The following AGBL1 variants were observed in gnomAD, a reference collection of about 807,000 sequenced individuals.
AGBL1 encodes AGBL carboxypeptidase 1, also known as cytosolic carboxypeptidase 4.
In AGBL1, 130 loss-of-function variants were observed where a neutral mutation model predicts 118.9. The observed-to-expected ratio is 1.09, with a 90% CI of 0.95 to 1.26. The LOEUF is 1.26. AGBL1 is among the 50% of genes most tolerant of loss of function. AGBL1 has a pLI of 0.00. For synonymous variants in AGBL1, 555 were observed against 478.9 expected (o/e 1.16, Z -2.08); for missense variants, 1,584 against 1,298.1 (o/e 1.22, Z -3.38).
At chr15:86,455,701 A>G (rs2082250875) in intron 18 of AGBL1, among the ~76,000 whole-genome samples, 1 of 152,164 alleles carries the variant, frequency 6.6e-6, no homozygotes, top group Non-Finnish European at 1.5e-5. Flanking sequence ...TGTGTAGTCT[A>G]TAAAAATCAC....
intron 17 of AGBL1, among the ~76,000 whole-genome samples, chr15:86,301,193 C>A (rs959404077): frequency 6.6e-6 from 1 of 152,094 alleles, no homozygotes; most frequent in African/African-American, 2.4e-5. Context: ...TTTTGTACCT[C>A]CCAGAGACAT....
At chr15:86,752,967 C>G (rs1418585756) in intron 22 of AGBL1, among the ~76,000 whole-genome samples, 1 of 152,062 alleles carries the variant, frequency 6.6e-6, no homozygotes, top group Admixed American at 6.6e-5. Context: ...GTCAATTTAT[C>G]TTTCCTTGCT....
chr15:87,021,377 C>G (rs2081662750), intron 24 of AGBL1, among the ~76,000 whole-genome samples: 1 of 151,922 alleles, frequency 6.6e-6, no homozygotes, highest in Non-Finnish European at 1.5e-5. Context: ...ATGTAAAACC[C>G]AAAATTATAA....
intron 18 of AGBL1, among the ~76,000 whole-genome samples, chr15:86,407,088 TTG>T (rs2081539888): frequency 6.6e-6 from 1 of 152,194 alleles, no homozygotes; most frequent in Non-Finnish European, 1.5e-5. Flanking sequence ...CCTCATATGC[TTG>T]TTAACACTAC....
At chr15:86,468,657 G>C (rs1329660687) in intron 18 of AGBL1, among the ~76,000 whole-genome samples, 2 of 152,128 alleles carry the variant, frequency 1.3e-5, no homozygotes, top group African/African-American at 4.8e-5. Context: ...TGACTAATAA[G>C]GCTCCTGTGC....
intron 18 of AGBL1, among the ~76,000 whole-genome samples, chr15:86,487,222 G>A (rs2142134941): frequency 6.6e-6 from 1 of 152,136 alleles, no homozygotes; most frequent in East Asian, 1.9e-4. Context: ...ACAGGGTGCA[G>A]CGTTCATCCA....
At chr15:86,648,295 A>G (rs996333166) in intron 21 of AGBL1, among the ~76,000 whole-genome samples, 4 of 152,154 alleles carry the variant, frequency 2.6e-5, no homozygotes, top group African/African-American at 7.2e-5. Flanking sequence ...ATGACTTCCT[A>G]TGTGGGGTGC....
At chr15:86,892,973 C>A (rs1249325145) in intron 22 of AGBL1, among the ~76,000 whole-genome samples, 1 of 152,088 alleles carries the variant, frequency 6.6e-6, no homozygotes, top group African/African-American at 2.4e-5. Flanking sequence ...TTAGATGGAG[C>A]ACAGCGTTCA....
intron 5 of AGBL1, among the ~76,000 whole-genome samples, chr15:86,217,874 G>A (rs1454470977): frequency 6.6e-6 from 1 of 152,144 alleles, no homozygotes; most frequent in Non-Finnish European, 1.5e-5. Flanking sequence ...GTGGATGTGG[G>A]GTAGCAATGT....
At chr15:86,659,484 T>A (rs1486153443) in intron 21 of AGBL1, among the ~76,000 whole-genome samples, 1 of 152,112 alleles carries the variant, frequency 6.6e-6, no homozygotes, top group Non-Finnish European at 1.5e-5. Context: ...ATATTGGGGT[T>A]TTCTCTTCTG....
chr15:86,827,101 G>T (rs2079021682), intron 22 of AGBL1, among the ~76,000 whole-genome samples: 2 of 150,598 alleles, frequency 1.3e-5, no homozygotes, highest in South Asian at 4.2e-4. Flanking sequence ...CCTGTGCTAG[G>T]ATTACTATGT....
In AGBL1 at chr15:86,854,378, G is replaced by T. The variant is rs190200668; in HGVS notation, c.3159-52709G>T. 8.3e-4 allele frequency among the ~76,000 whole-genome samples: 127 copies of T among 152,240 alleles called. 1 individual carries two copies. Among genetic ancestry groups the T allele is most frequent in the African/African-American group, 2.9e-3 (121 of 41,550 alleles). ...CAGGGAGATGCATGGTGTCCTTTCAGCAGAAGAACACAAACAGATGAGGTG... is the reference window on the plus strand; with the variant it reads ...CAGGGAGATGCATGGTGTCCTTTCATCAGAAGAACACAAACAGATGAGGTG... On this transcript the variant is annotated intron_variant, in intron 22 of 22. Coordinates refer to ENST00000614907, the MANE Select transcript of AGBL1 (RefSeq NM_001386094.1).
At chr15:86,296,286 G>A (rs2046875916) in intron 17 of AGBL1, 1 of 151,430 alleles carries the variant, frequency 6.6e-6, no homozygotes, top group African/African-American at 2.4e-5. Flanking sequence ...ATACAGAGAA[G>A]TTTTGGAAAT....
intron 22 of AGBL1, among the ~76,000 whole-genome samples, chr15:86,753,068 A>G (rs1159365385): frequency 6.6e-6 from 1 of 152,100 alleles, no homozygotes; most frequent in African/African-American, 2.4e-5. Context: ...TTCTTTTAAA[A>G]TCACTTTGTT....
chr15:86,560,307 A>T (rs1358007734), intron 21 of AGBL1, among the ~76,000 whole-genome samples: 3 of 100,722 alleles, frequency 3.0e-5, no homozygotes, highest in African/African-American at 7.6e-5. Flanking sequence ...CCCCCGCAAC[A>T]GTCCCCGGTG....
At chr15:86,823,219 G>C (rs374793806) in intron 22 of AGBL1, among the ~76,000 whole-genome samples, 1,478 of 124,254 alleles carry the variant, frequency 0.012, 12 homozygotes, top group Middle Eastern at 0.025. Flanking sequence ...TAATGGAGCT[G>C]CTAATGGAAC....
At chr15:86,438,657 CTTTTTTTT>C (rs35937855) in intron 18 of AGBL1, among the ~76,000 whole-genome samples, 1 of 131,622 alleles carries the variant, frequency 7.6e-6, no homozygotes, top group Non-Finnish European at 1.6e-5. Flanking sequence ...TAATCTGTCT[CTTTTTTTT>C]TTTTTTTTTT....
intron 22 of AGBL1, among the ~76,000 whole-genome samples, chr15:86,700,511 A>ACAC (rs766574039): frequency 5.0e-5 from 2 of 40,202 alleles, no homozygotes; most frequent in South Asian, 1.4e-3. Flanking sequence ...ACACACACAC[A>ACAC]AAATCTCTCT....
At chr15:86,238,499 G>T (rs2141969294) in intron 6 of AGBL1, among the ~76,000 whole-genome samples, 2 of 152,290 alleles carry the variant, frequency 1.3e-5, no homozygotes, top group South Asian at 4.1e-4. Flanking sequence ...AACCTCCCAA[G>T]AGTCTACCAT....
Sources: gnomAD v4.1 joint callset for allele counts (sites outside exome capture counted in the v4.1 genomes callset) on GRCh38, gnomAD v4.1.1 for gene constraint, MANE v1.5 for transcripts, NCBI Gene and HGNC (gene_info 2026-07-23, HGNC 2026-07-21) for gene names.